Variants in GSTM1 observed in about 807,000 individuals in gnomAD.
GSTM1 encodes the protein GST HB subunit 4.
Under a neutral mutation model 17.3 loss-of-function variants are expected in GSTM1, and 6 were observed. The observed-to-expected ratio is 0.35, with a 90% CI of 0.19 to 0.68. The LOEUF (loss-of-function observed/expected upper bound fraction) is 0.68. Ranked by LOEUF, GSTM1 falls within the 30% of genes least tolerant of loss-of-function variation. The pLI, the probability that GSTM1 is intolerant of heterozygous loss-of-function variation, is 0.65. For synonymous variants in GSTM1, 20 were observed against 53.6 expected, an observed-to-expected ratio of 0.37 and a Z score of 2.74; for missense variants, 62 against 155.9, an observed-to-expected ratio of 0.40 and a Z score of 3.21.
At position 109,690,711 on chromosome 1, in the gene GSTM1, C is replaced by T; in HGVS notation, c.567+147C>T. 4.7e-6 allele frequency: 3 copies of T among 634,186 alleles called. 1 individual carries two copies. The highest frequency in any genetic ancestry group is 7.3e-6 in the Non-Finnish European group (3 of 412,988). The allele number at this position is 634,186 out of a possible 1,614,324, so 39.3% of individuals were successfully genotyped here. On this transcript the variant is annotated intron_variant, in intron 7 of 7. Transcript: ENST00000309851. ...CACGAACCGTGCCCAGCACATTATA[C>T]CTATTGTGTGAAATTTGAATTTTAT...
In GSTM1 at chr1:109,689,099, T is replaced by C. The variant is rs200487927; in HGVS notation, c.229T>C (p.Leu77=). ...AHKITQSNAI[L]CYIARKHNLC... is the part of the protein sequence containing the mutation. ...CAAGATCACCCAGAGCAACGCCATCTTGTGCTACATTGCCCGCAAGCACAA... is the reference window on the plus strand; with the variant it reads ...CAAGATCACCCAGAGCAACGCCATCCTGTGCTACATTGCCCGCAAGCACAA... Residue 77 remains leucine, a synonymous_variant, in exon 4 of 8, where the codon TTG becomes CTG. Transcript: ENST00000309851. The C allele has an allele frequency of 1.4e-5, 11 of 796,666 alleles. 5 individuals carry two copies. Among genetic ancestry groups the C allele is most frequent in the Admixed American group, 1.2e-4 (4 of 32,714 alleles). The allele number at this position is 796,666 out of a possible 1,614,324, so 49.3% of individuals were successfully genotyped here.
rs1480751859 is a variant in GSTM1 at position 109,689,339 on chromosome 1, G to A, written c.360+14G>A. 2.9e-6 allele frequency: 2 copies of A among 692,076 alleles called. 1 individual carries two copies. 42.9% of individuals were successfully genotyped at this position (692,076 alleles called of 1,614,324 possible). A position where few individuals can be genotyped will look rare whatever the true frequency, so the allele number is the denominator to read the frequency against. On this transcript the variant is annotated intron_variant, in intron 5 of 7. Coordinates refer to ENST00000309851, the MANE Select transcript of GSTM1 (RefSeq NM_000561.4). ...AATCCAGAATTTGTGAGTGTCCCCA[G>A]TGAGCTGCATCTGACAGAGTTTGGA...
In GSTM1 at chr1:109,693,198, C is replaced by A; in HGVS notation, c.568-8C>A. 2 of 782,164 alleles carry A rather than the reference C, an allele frequency of 2.6e-6. 1 individual carries two copies. The highest frequency in any genetic ancestry group is 3.7e-6 in the Non-Finnish European group (2 of 540,398). 48.5% of individuals were successfully genotyped at this position (782,164 alleles called of 1,614,324 possible). A position where few individuals can be genotyped will look rare whatever the true frequency, so the allele number is the denominator to read the frequency against. On this transcript the variant is annotated splice_polypyrimidine_tract_variant and splice_region_variant and intron_variant, in intron 7 of 7. Transcript: ENST00000309851. Reference sequence around the variant, plus strand: ...CTTGAGTTCTGGCCTTATTTTCCCCCCTCTCAGGGCTTGGAGAAGATCTCT... The same window carrying A: ...CTTGAGTTCTGGCCTTATTTTCCCCACTCTCAGGGCTTGGAGAAGATCTCT...
chr1:109,688,288 G>A lies in GSTM1; in HGVS notation c.112+43G>A, dbSNP rs752216987. 4 of 796,822 alleles carry A rather than the reference G, an allele frequency of 5.0e-6. 1 individual carries two copies. 49.4% of individuals were successfully genotyped at this position (796,822 alleles called of 1,614,324 possible). On this transcript the variant is annotated intron_variant, in intron 2 of 7. Transcript: ENST00000309851. ...TTCGGGCTCTGCCCACTCACGCTAA[G>A]TTGGCACCAAGCAACCCATGGTGGC...
chr1:109,691,955 G>C lies in GSTM1; in HGVS notation c.568-1251G>C, dbSNP rs1648107561. ...TTCTGGTCCAGGCTTAGTGGCCTTG[G>C]AGTTATGTAAGAGGTGGTGGGAAGG... On this transcript the variant is annotated intron_variant, in intron 7 of 7. Coordinates refer to ENST00000309851, the MANE Select transcript of GSTM1 (RefSeq NM_000561.4). Among the ~76,000 whole-genome samples, 4 of 80,446 alleles carry C rather than the reference G, an allele frequency of 5.0e-5. 2 individuals are homozygous for C. Among genetic ancestry groups the C allele is most frequent in the African/African-American group, 1.4e-4 (4 of 28,274 alleles). The allele number at this position is 80,446 out of a possible 152,430, so 52.8% of individuals were successfully genotyped here.
At chr1:109,689,410 C>T in intron 5 of GSTM1, 85 bp downstream of exon 5, 1 of 406,800 alleles carries the variant, frequency 2.5e-6, no homozygotes, top group Non-Finnish European at 4.6e-6. Context: ...GGTCTTAAGT[C>T]CCTGGTACCA....
intron 5 of GSTM1, among the ~76,000 whole-genome samples, chr1:109,689,994 G>C (rs1648056264): frequency 1.2e-5 from 1 of 81,638 alleles, no homozygotes; most frequent in Non-Finnish European, 3.2e-5. Context: ...GCGCTCCTGG[G>C]GCTGACCCAG....
Position 109,689,971 on chromosome 1 carries a change from G to A in GSTM1, c.361-300G>A, listed in dbSNP as rs182515171. On this transcript the variant is annotated intron_variant, in intron 5 of 7. Coordinates refer to ENST00000309851, the MANE Select transcript of GSTM1 (RefSeq NM_000561.4). ...TTCTGCTGGTCTGGATCCAGAGGCT[G>A]CCAGGTGCTTGGGCGCTCCTGGGGC... 1.7e-4 allele frequency among the ~76,000 whole-genome samples: 14 copies of A among 81,998 alleles called. 5 individuals carry two copies. Among genetic ancestry groups the A allele is most frequent in the African/African-American group, 4.8e-4 (14 of 28,884 alleles). The allele number at this position is 81,998 out of a possible 152,430, so 53.8% of individuals were successfully genotyped here. A position where few individuals can be genotyped will look rare whatever the true frequency, so the allele number is the denominator to read the frequency against.
chr1:109,689,433 G>A lies in GSTM1; in HGVS notation c.360+108G>A, dbSNP rs1264481030. 4 of 371,744 alleles carry A rather than the reference G, an allele frequency of 1.1e-5. 2 individuals carry two copies. The highest frequency in any genetic ancestry group is 9.9e-5 in the African/African-American group (4 of 40,208). 23.0% of individuals were successfully genotyped at this position (371,744 alleles called of 1,614,324 possible). A position where few individuals can be genotyped will look rare whatever the true frequency, so the allele number is the denominator to read the frequency against. On this transcript the variant is annotated intron_variant, in intron 5 of 7. Transcript: ENST00000309851. Reference sequence around the variant, plus strand: ...GTCCCTGGTACCATTCATCCTCCAAGTGCTTTCCCATACTATCAGCAGTTA... The same window carrying A: ...GTCCCTGGTACCATTCATCCTCCAAATGCTTTCCCATACTATCAGCAGTTA...
intron 7 of GSTM1, among the ~76,000 whole-genome samples, chr1:109,692,313 T>A (rs151054447): frequency 0.13 from 10,429 of 78,852 alleles, 4,389 homozygotes; most frequent in Middle Eastern, 0.28. Flanking sequence ...CCACCTCGGC[T>A]TCCCAATGTG....
intron 7 of GSTM1, among the ~76,000 whole-genome samples, chr1:109,692,128 G>A (rs1425639675): frequency 2.9e-5 from 2 of 69,306 alleles, no homozygotes; most frequent in East Asian, 1.1e-3. Context: ...GCGTGACCTC[G>A]GCTTACTGCA....
rs140036445 is a variant in GSTM1 at position 109,692,226 on chromosome 1, T to A, written c.568-980T>A. Among the ~76,000 whole-genome samples the A allele has an allele frequency of 2.6e-5, 2 of 78,020 alleles. 1 individual carries two copies. Among genetic ancestry groups the A allele is most frequent in the East Asian group, 9.6e-4 (2 of 2,090 alleles). 51.2% of individuals were successfully genotyped at this position (78,020 alleles called of 152,430 possible). Reference sequence around the variant, plus strand: ...GTGTCTATCACCACGCCCAGCTAATTTTTCTATTTTTAGTAGAGATGGGCT... The same window carrying A: ...GTGTCTATCACCACGCCCAGCTAATATTTCTATTTTTAGTAGAGATGGGCT... On this transcript the variant is annotated intron_variant, in intron 7 of 7. Transcript: ENST00000309851.
chr1:109,688,208 C>T lies in GSTM1; in HGVS notation c.75C>T (p.Asp25=), dbSNP rs1570637335. 1 of 798,568 alleles carries T rather than the reference C, an allele frequency of 1.3e-6. No homozygotes were observed. The highest frequency in any genetic ancestry group is 1.8e-6 in the Non-Finnish European group (1 of 552,954). 49.5% of individuals were successfully genotyped at this position (798,568 alleles called of 1,614,324 possible). Reference sequence around the variant, plus strand: ...TCCGCCTGCTCCTGGAATACACAGACTCAAGCTATGAGGAAAAGAAGTACA... The same window carrying T: ...TCCGCCTGCTCCTGGAATACACAGATTCAAGCTATGAGGAAAAGAAGTACA... The part of the protein sequence containing the change: ...HAIRLLLEYT[D]SSYEEKKYTM... Residue 25 remains aspartate (D), a synonymous_variant, in exon 2 of 8, where the codon GAC becomes GAT. Transcript: ENST00000309851.
At position 109,687,896 on chromosome 1, in the gene GSTM1, G is replaced by A. The variant is rs1192077068; in HGVS notation, c.23G>A (p.Trp8Ter). Residue 8 changes from tryptophan to a stop codon, truncating the protein, a stop_gained, in exon 1 of 8, where the codon TGG (tryptophan) becomes TAG (stop). Transcript: ENST00000309851. LOFTEE classifies it high-confidence loss of function. Reference sequence around the variant, plus strand: ...ACCATGCCCATGATACTGGGGTACTGGGACATCCGCGGGGTGAGCGAGGGT... The same window carrying A: ...ACCATGCCCATGATACTGGGGTACTAGGACATCCGCGGGGTGAGCGAGGGT... MPMILGY[W>*]DIRGLAHAIR... 7.6e-6 allele frequency: 6 copies of A among 794,654 alleles called. 3 individuals carry two copies. The South Asian group carries it at 1.1e-4, about 15-fold the overall frequency. The allele number at this position is 794,654 out of a possible 1,614,324, so 49.2% of individuals were successfully genotyped here. A position where few individuals can be genotyped will look rare whatever the true frequency, so the allele number is the denominator to read the frequency against.
In GSTM1 at chr1:109,689,252, G is replaced by A. The variant is rs199816990; in HGVS notation, c.287G>A (p.Arg96His). The change falls in exon 5 of 8, where the codon CGT becomes CAT. Residue 96 changes from arginine (R) to histidine (H), a missense_variant. Arg to His is a conservative substitution (Grantham distance 29). Coordinates refer to ENST00000309851, the MANE Select transcript of GSTM1 (RefSeq NM_000561.4). ...GGGGAGACAGAAGAGGAGAAGATTC[G>A]TGTGGACATTTTGGAGAACCAGACC... ...LCGETEEEKI[R>H]VDILENQTMD... is the part of the protein sequence containing the mutation. 3.9e-5 allele frequency: 31 copies of A among 795,436 alleles called. 12 individuals are homozygous for A. The highest frequency in any genetic ancestry group is 7.4e-4 in the Middle Eastern group (2 of 2,698). The allele number at this position is 795,436 out of a possible 1,614,324, so 49.3% of individuals were successfully genotyped here.
chr1:109,689,815 C>T (rs1648053053), intron 5 of GSTM1, among the ~76,000 whole-genome samples: 3 of 78,230 alleles, frequency 3.8e-5, no homozygotes, highest in Non-Finnish European at 9.8e-5. Flanking sequence ...CTTTATTCCT[C>T]TCCCTCCTTC....
At position 109,689,732 on chromosome 1, in the gene GSTM1, C is replaced by G. The variant is rs1359798158; in HGVS notation, c.360+407C>G. The stretch of plus-strand genomic sequence containing the variant: ...ATTGCATCTTCTCCTCAACAGTTTT[C>G]TGAGTGCTGTCATTGACATGCACAG... On this transcript the variant is annotated intron_variant, in intron 5 of 7. Transcript: ENST00000309851. 2.0e-4 allele frequency among the ~76,000 whole-genome samples: 16 copies of G among 79,724 alleles called. 4 individuals are homozygous for G. Among genetic ancestry groups the G allele is most frequent in the African/African-American group, 5.7e-4 (16 of 27,992 alleles). 52.3% of individuals were successfully genotyped at this position (79,724 alleles called of 152,430 possible). A position where few individuals can be genotyped will look rare whatever the true frequency, so the allele number is the denominator to read the frequency against.
chr1:109,692,873 C>T (rs1310302292), intron 7 of GSTM1, among the ~76,000 whole-genome samples: 1 of 81,644 alleles, frequency 1.2e-5, no homozygotes, highest in Non-Finnish European at 3.2e-5. Flanking sequence ...CTGTTTCCCA[C>T]ATGAGAAATG....
chr1:109,692,823 C>G (rs113639525), intron 7 of GSTM1, among the ~76,000 whole-genome samples: 15,918 of 80,068 alleles, frequency 0.2, 6,392 homozygotes, highest in Middle Eastern at 0.37. Flanking sequence ...AGTTCTATTC[C>G]CCTTACTAGG....
Sources: gnomAD v4.1 joint callset for allele counts (sites outside exome capture counted in the v4.1 genomes callset) on GRCh38, gnomAD v4.1.1 for gene constraint, MANE v1.5 for transcripts, NCBI Gene and HGNC (gene_info 2026-07-23, HGNC 2026-07-21) for gene names.